NUP210: variants seen among roughly 807,000 people sequenced by gnomAD.
The protein encoded by NUP210 is nuclear pore membrane glycoprotein 210.
A neutral mutation model predicts 196.0 loss-of-function variants in NUP210; 151 were observed. That is an observed-to-expected ratio of 0.77 (90% CI 0.67 to 0.88). The LOEUF is 0.88. Ranked by LOEUF, NUP210 falls within the 40% of genes least tolerant of loss-of-function variation. The pLI is 0.00. For missense variants in NUP210, 2,314 were observed against 2,493.7 expected, an observed-to-expected ratio of 0.93 and a Z score of 1.53; for synonymous variants, 1,070 against 1,052.7, an observed-to-expected ratio of 1.02 and a Z score of -0.32.
intron 36 of NUP210, among the ~76,000 whole-genome samples, chr3:13,320,292 A>G (rs1003192290): frequency 2.0e-5 from 3 of 152,224 alleles, no homozygotes; most frequent in Admixed American, 1.3e-4. Flanking sequence ...TATGAATGTC[A>G]GAATCAAATT....
At chr3:13,401,258 T>TTAAAAAAAAAAAAAA (rs1162470689) in intron 1 of NUP210, among the ~76,000 whole-genome samples, 9 of 16,506 alleles carry the variant, frequency 5.5e-4, no homozygotes, top group African/African-American at 1.1e-3. Flanking sequence ...AGACTCTGGC[T>TTAAAAAAAAAAAAAA]CAAAAAAAAA....
At chr3:13,412,600 G>C (rs1700214233) in intron 1 of NUP210, among the ~76,000 whole-genome samples, 1 of 151,924 alleles carries the variant, frequency 6.6e-6, no homozygotes, top group Admixed American at 6.6e-5. Context: ...TGTAATCTCA[G>C]CTACTCAGGA....
intron 1 of NUP210, among the ~76,000 whole-genome samples, chr3:13,404,221 C>T (rs1699930459): frequency 6.6e-6 from 1 of 152,222 alleles, no homozygotes. Context: ...CCCCACCCAC[C>T]CTGCCTTCCT....
intron 33 of NUP210, among the ~76,000 whole-genome samples, chr3:13,325,129 C>A (rs1696695245): frequency 6.6e-6 from 1 of 152,178 alleles, no homozygotes; most frequent in Non-Finnish European, 1.5e-5. Flanking sequence ...ACCCTCTGTT[C>A]CAGCCCCCGA....
In NUP210 at chr3:13,328,753, C is replaced by T; in HGVS notation, c.4286+18G>A. The T allele has an allele frequency of 6.2e-7, 1 of 1,611,948 alleles. No homozygotes were observed. The highest frequency in any genetic ancestry group is 8.5e-7 in the Non-Finnish European group (1 of 1,178,168). On this transcript the variant is annotated intron_variant, in intron 31 of 39. Transcript: ENST00000254508. ...AGACAGGACTTCATAGGAGAAATGA[C>T]CCTTGCCCACATCCTACCTGTTAGT...
At position 13,388,314 on chromosome 3, in the gene NUP210, C is replaced by A. The variant is rs563687305; in HGVS notation, c.673G>T (p.Ala225Ser). The change falls in exon 5 of 40, where the codon GCT becomes TCT. Residue 225 changes from alanine to serine, a missense_variant. Coordinates refer to ENST00000254508, the MANE Select transcript of NUP210 (RefSeq NM_024923.4). ...SSKLKARIQE[A>S]VYKNVRPAEV... ...CGCCCCAGGCCCACCTTGTAGACAGCCTCCTGGATGCGAGCCTTGAGCTTG... is the reference window on the plus strand; with the variant it reads ...CGCCCCAGGCCCACCTTGTAGACAGACTCCTGGATGCGAGCCTTGAGCTTG... The A allele has an allele frequency of 1.9e-6, 3 of 1,606,654 alleles. No individual in the cohort carries two copies. The African/African-American group carries it at 4.0e-5, about 22-fold the overall frequency.
chr3:13,343,320 GAGGT>G lies in NUP210; in HGVS notation c.2836-21_2836-18del. On this transcript the variant is annotated intron_variant, in intron 20 of 39. Coordinates refer to ENST00000254508, the MANE Select transcript of NUP210 (RefSeq NM_024923.4). ...AGGGTGCACCTGCAAGGTTGGGGCG[GAGGT>G]GGAGGGGTGGGTGGTGGGTTACGCA... 1 of 1,497,602 alleles carries G rather than the reference GAGGT, an allele frequency of 6.7e-7. No individual in the cohort carries two copies. The highest frequency in any genetic ancestry group is 9.1e-7 in the Non-Finnish European group (1 of 1,094,778). The allele number at this position is 1,497,602 out of a possible 1,614,324, so 92.8% of individuals were successfully genotyped here.
intron 1 of NUP210, among the ~76,000 whole-genome samples, chr3:13,416,982 T>G (rs913615661): frequency 5.9e-5 from 9 of 152,228 alleles, no homozygotes; most frequent in Admixed American, 1.3e-4. Context: ...TGTATATACC[T>G]TTAAAAGGAG....
Position 13,420,134 on chromosome 3 carries a change from G to T in NUP210, c.93C>A (p.Pro31=). Residue 31 remains proline, a synonymous_variant, in exon 1 of 40, where the codon CCC becomes CCA. Coordinates refer to ENST00000254508, the MANE Select transcript of NUP210 (RefSeq NM_024923.4). The surrounding 1 kb of genome is among the most constrained non-coding windows in gnomAD (Gnocchi z 4.8). ...PSAAAAKLNI[P]KVLLPFTRAT... ...CCCGCGTGAAGGGCAGCAGCACTTT[G>T]GGGATGTTGAGCTTGGCCGCAGCGG... The T allele has an allele frequency of 7.4e-7, 1 of 1,348,238 alleles. No homozygotes were observed. Among genetic ancestry groups the T allele is most frequent in the South Asian group, 1.6e-5 (1 of 61,418 alleles). 83.5% of individuals were successfully genotyped at this position (1,348,238 alleles called of 1,614,324 possible).
At chr3:13,319,461 C>T (rs979602505) in intron 37 of NUP210, 136 bp from the exon 38 acceptor site, 16 of 771,746 alleles carry the variant, frequency 2.1e-5, no homozygotes, top group Non-Finnish European at 2.8e-5. Flanking sequence ...CTCAGAGGGC[C>T]AGGCCACCTG....
At chr3:13,402,312 T>C (rs1423338354) in intron 1 of NUP210, among the ~76,000 whole-genome samples, 3 of 152,118 alleles carry the variant, frequency 2.0e-5, no homozygotes, top group Non-Finnish European at 4.4e-5. Context: ...AACACTGTGG[T>C]ATGTATCATT....
At chr3:13,382,955 G>C (rs990796664) in intron 6 of NUP210, among the ~76,000 whole-genome samples, 1 of 152,022 alleles carries the variant, frequency 6.6e-6, no homozygotes, top group African/African-American at 2.4e-5. Flanking sequence ...AGACCAGCCT[G>C]GACAACACAG....
Position 13,420,052 on chromosome 3 carries a change from C to T in NUP210, c.167+8G>A. On this transcript the variant is annotated splice_region_variant and intron_variant, in intron 1 of 39. Coordinates refer to ENST00000254508, the MANE Select transcript of NUP210 (RefSeq NM_024923.4). The surrounding 1 kb of genome is among the most constrained non-coding windows in gnomAD (Gnocchi z 4.8). ...ACGGCGCCCGCCCGGCCCGGCCGCGCGCCTCACCAGCGGTAGCAGCCCTCC... is the reference window on the plus strand; with the variant it reads ...ACGGCGCCCGCCCGGCCCGGCCGCGTGCCTCACCAGCGGTAGCAGCCCTCC... 1 of 1,289,006 alleles carries T rather than the reference C, an allele frequency of 7.8e-7. No individual in the cohort carries two copies. The highest frequency in any genetic ancestry group is 1.0e-6 in the Non-Finnish European group (1 of 1,001,496). The allele number at this position is 1,289,006 out of a possible 1,614,324, so 79.8% of individuals were successfully genotyped here.
Position 13,330,630 on chromosome 3 carries a change from C to T in NUP210, c.3940G>A (p.Gly1314Ser). ...ACGCGGTAGCTCAGAGAGGCTGCACCATCCCTTTGGAAAACAAAACAGAGC... is the reference window on the plus strand; with the variant it reads ...ACGCGGTAGCTCAGAGAGGCTGCACTATCCCTTTGGAAAACAAAACAGAGC... ...SYIKLQTNRD[G>S]AASLSYRVLD... The change falls in exon 30 of 40, where the codon GGT becomes AGT. Residue 1314 changes from glycine to serine, a missense_variant. By Grantham distance (56) the Gly-to-Ser change is moderately conservative. Transcript: ENST00000254508. 5 of 1,613,640 alleles carry T rather than the reference C, an allele frequency of 3.1e-6. No homozygotes were observed. Among genetic ancestry groups the T allele is most frequent in the Non-Finnish European group, 4.2e-6 (5 of 1,179,804 alleles).
chr3:13,351,488 G>C (rs982209333), intron 20 of NUP210, among the ~76,000 whole-genome samples: 1 of 152,124 alleles, frequency 6.6e-6, no homozygotes, highest in East Asian at 1.9e-4. Context: ...TTAAGTGCCA[G>C]CTTTTTTTTG....
chr3:13,392,738 A>C (rs1009964224), intron 3 of NUP210, among the ~76,000 whole-genome samples: 5 of 152,244 alleles, frequency 3.3e-5, no homozygotes, highest in Admixed American at 2.6e-4. Flanking sequence ...CACTGAGCTG[A>C]AACAGGGTGC....
chr3:13,377,459 A>C lies in NUP210; in HGVS notation c.1149T>G (p.Ser383=), dbSNP rs1200453828. The change falls in exon 9 of 40, where the codon TCT becomes TCG. Residue 383 remains serine, a synonymous_variant. Coordinates refer to ENST00000254508, the MANE Select transcript of NUP210 (RefSeq NM_024923.4). ...CAGGACCTGAACAGGCACTCACGTC[A>C]GATACATAGACCTTGTTGCTGAACT... ...FDKFSNKVYV[S]DNIRIETVLP... 6 of 1,610,556 alleles carry C rather than the reference A, an allele frequency of 3.7e-6. No individual in the cohort carries two copies. In the East Asian group the frequency reaches 1.3e-4, roughly 36 times the overall value.
Position 13,379,450 on chromosome 3 carries a change from T to G in NUP210, c.976+113A>C. 8 of 1,335,412 alleles carry G rather than the reference T, an allele frequency of 6.0e-6. No individual in the cohort carries two copies. The highest frequency in any genetic ancestry group is 7.4e-6 in the Non-Finnish European group (7 of 941,642). 82.7% of individuals were successfully genotyped at this position (1,335,412 alleles called of 1,614,324 possible). A position where few individuals can be genotyped will look rare whatever the true frequency, so the allele number is the denominator to read the frequency against. On this transcript the variant is annotated intron_variant, in intron 7 of 39. Transcript: ENST00000254508. The surrounding 1 kb of genome is among the most constrained non-coding windows in gnomAD (Gnocchi z 4.2). ...TCAGTTCTTTCTGATTTTCAGACCG[T>G]TGAGGGGAAACGGCTATTTTTAGCC... is the stretch of plus-strand genomic sequence containing the variant.
At chr3:13,327,107 T>G in intron 32 of NUP210, 110 bp downstream of exon 32, 1 of 765,100 alleles carries the variant, frequency 1.3e-6, no homozygotes, top group Non-Finnish European at 2.1e-6. Context: ...ATCCTGCAGG[T>G]CTGCCTGTAG....
Sources: allele counts gnomAD v4.1 joint callset (sites outside exome capture counted in the v4.1 genomes callset), GRCh38; gene constraint gnomAD v4.1.1; non-coding constraint Gnocchi (gnomAD v3.1); transcripts MANE v1.5; gene names NCBI Gene and HGNC (gene_info 2026-07-23, HGNC 2026-07-21).